MCOLN2: variants seen among roughly 807,000 people sequenced by gnomAD.
MCOLN2 encodes mucolipin TRP cation channel 2.
A neutral mutation model predicts 67.5 loss-of-function variants in MCOLN2; 57 were observed. The ratio of observed to expected loss-of-function variants is 0.84; its 90% confidence interval spans 0.68 to 1.05. The LOEUF is 1.05. Ranked by LOEUF, MCOLN2 falls within the 50% of genes least tolerant of loss-of-function variation. MCOLN2 has a pLI of 0.00. For synonymous variants in MCOLN2, 246 were observed against 233.3 expected, an observed-to-expected ratio of 1.05 and a Z score of -0.50; for missense variants, 620 against 678.8, an observed-to-expected ratio of 0.91 and a Z score of 0.96.
chr1:84,977,579 A>G (rs1176532102), intron 1 of MCOLN2, among the ~76,000 whole-genome samples: 1 of 152,218 alleles, frequency 6.6e-6, no homozygotes, highest in African/African-American at 2.4e-5. Context: ...AAAAAAGAGC[A>G]GGAGTAGCTA....
intron 7 of MCOLN2, among the ~76,000 whole-genome samples, chr1:84,946,320 G>A (rs112543264): frequency 0.013 from 1,914 of 151,988 alleles, 35 homozygotes; most frequent in African/African-American, 0.044. Flanking sequence ...TTATAAGCAC[G>A]TCAGTCTCTC....
intron 7 of MCOLN2, among the ~76,000 whole-genome samples, chr1:84,942,244 T>C (rs1301272558): frequency 6.6e-6 from 1 of 152,202 alleles, no homozygotes; most frequent in African/African-American, 2.4e-5. Context: ...CTCCTTTACT[T>C]TCCTCTGCAC....
At chr1:84,954,766 G>A (rs1399702686) in intron 4 of MCOLN2, among the ~76,000 whole-genome samples, 1 of 152,228 alleles carries the variant, frequency 6.6e-6, no homozygotes, top group Non-Finnish European at 1.5e-5. Context: ...TTTGCTGAAA[G>A]CCAGGCACTG....
intron 1 of MCOLN2, among the ~76,000 whole-genome samples, chr1:84,978,210 C>A (rs966568611): frequency 4.0e-5 from 6 of 151,732 alleles, no homozygotes; most frequent in African/African-American, 1.5e-4. Flanking sequence ...ACACAACCTA[C>A]CAAAATCTAA....
At position 84,956,553 on chromosome 1, in the gene MCOLN2, G is replaced by A. The variant is rs373296025; in HGVS notation, c.443C>T (p.Thr148Ile). The A allele has an allele frequency of 7.5e-6, 12 of 1,607,204 alleles. No individual in the cohort carries two copies. Among genetic ancestry groups the A allele is most frequent in the Admixed American group, 1.7e-5 (1 of 58,246 alleles). The change falls in exon 4 of 14, where the codon ACC becomes ATC. Residue 148 changes from threonine to isoleucine, a missense_variant. Coordinates refer to ENST00000370608, the MANE Select transcript of MCOLN2 (RefSeq NM_153259.4). ...YHQLKDITLGTLGYGENEDNR... is the reference protein window; with the variant it reads ...YHQLKDITLGILGYGENEDNR... The stretch of plus-strand genomic sequence containing the variant: ...GTCTTCATTTTCTCCATAACCAAGG[G>A]TCCCCAGGGTAATGTCCTTTAGCTG...
At chr1:84,932,455 C>T (rs1467112215) in intron 11 of MCOLN2, among the ~76,000 whole-genome samples, 10 of 152,082 alleles carry the variant, frequency 6.6e-5, no homozygotes, top group Admixed American at 2.0e-4. Flanking sequence ...TCAGGTGATC[C>T]GCCCACCTCA....
At position 84,926,661 on chromosome 1, in the gene MCOLN2, A is replaced by G; in HGVS notation, c.*24T>C. ...TCAGCCGCTGGATAAGGATGCCTGA[A>G]CTTTAATCATCTTTAGCAGAACTTT... On this transcript the variant is annotated 3_prime_UTR_variant, in exon 14 of 14. Transcript: ENST00000370608. 6.4e-7 allele frequency: 1 copy of G among 1,565,832 alleles called. No homozygotes were observed. The highest frequency in any genetic ancestry group is 8.7e-7 in the Non-Finnish European group (1 of 1,148,482).
chr1:84,929,850 G>C (rs1661322122), intron 12 of MCOLN2, 171 bp from the exon 13 acceptor site: 1 of 500,196 alleles, frequency 2.0e-6, no homozygotes, highest in South Asian at 3.4e-5. Flanking sequence ...AGAACACCAA[G>C]GCAGGGCCAC....
chr1:84,961,529 T>C (rs186400129), intron 2 of MCOLN2, among the ~76,000 whole-genome samples: 7 of 152,136 alleles, frequency 4.6e-5, no homozygotes, highest in East Asian at 3.9e-4. Flanking sequence ...ATTCTATTCA[T>C]AGAACAAGCC....
chr1:84,954,489 T>C (rs1036365637), intron 4 of MCOLN2, among the ~76,000 whole-genome samples: 5 of 152,198 alleles, frequency 3.3e-5, no homozygotes, highest in African/African-American at 1.2e-4. Context: ...TAATGCATCA[T>C]CTCATTTAAT....
At chr1:84,953,602 A>G (rs1035985187) in intron 4 of MCOLN2, among the ~76,000 whole-genome samples, 15 of 152,108 alleles carry the variant, frequency 9.9e-5, no homozygotes, top group Non-Finnish European at 1.9e-4. Context: ...TGAAGGCTAT[A>G]CAGGAAATAT....
At position 84,937,763 on chromosome 1, in the gene MCOLN2, G is replaced by C. The variant is rs749206582; in HGVS notation, c.1327C>G (p.His443Asp). Residue 443 changes from histidine (H) to aspartate (D), a missense_variant, in exon 11 of 14, where the codon CAT becomes GAT. Physicochemically the swap from His to Asp is moderately conservative, Grantham distance 81 (BLOSUM62 -1). Coordinates refer to ENST00000370608, the MANE Select transcript of MCOLN2 (RefSeq NM_153259.4). ...FCGWIVLGPY[H>D]DKFENLNTVA... Reference sequence around the variant, plus strand: ...GAATGTGAGCTACACACCTTGTCATGGTATGGTCCTAAGACAATCCAGCCA... The same window carrying C: ...GAATGTGAGCTACACACCTTGTCATCGTATGGTCCTAAGACAATCCAGCCA... 1.2e-6 allele frequency: 2 copies of C among 1,614,002 alleles called. No homozygotes were observed. Among genetic ancestry groups the C allele is most frequent in the African/African-American group, 2.7e-5 (2 of 74,912 alleles).
At chr1:84,936,744 G>A (rs1227160173) in intron 11 of MCOLN2, among the ~76,000 whole-genome samples, 4 of 152,308 alleles carry the variant, frequency 2.6e-5, no homozygotes, top group Middle Eastern at 3.4e-3. Flanking sequence ...AGGACAGCAC[G>A]GAGGTTTAAG....
At chr1:84,943,991 G>A (rs781580103) in intron 7 of MCOLN2, among the ~76,000 whole-genome samples, 1 of 152,196 alleles carries the variant, frequency 6.6e-6, no homozygotes, top group African/African-American at 2.4e-5. Flanking sequence ...AGAGGAAACA[G>A]AGGCAGCTCT....
At chr1:84,954,442 A>C (rs1648674353) in intron 4 of MCOLN2, among the ~76,000 whole-genome samples, 1 of 152,218 alleles carries the variant, frequency 6.6e-6, no homozygotes, top group Non-Finnish European at 1.5e-5. Flanking sequence ...TTAACTCCAT[A>C]CCAGACACTG....
chr1:84,986,049 A>G (rs1366159941), intron 1 of MCOLN2, among the ~76,000 whole-genome samples: 8 of 152,210 alleles, frequency 5.3e-5, no homozygotes, highest in Admixed American at 5.2e-4. Flanking sequence ...ACTATACTCT[A>G]AGGCCACAGT....
chr1:84,941,390 G>A (rs1210424558), intron 7 of MCOLN2, among the ~76,000 whole-genome samples: 1 of 152,174 alleles, frequency 6.6e-6, no homozygotes, highest in Admixed American at 6.5e-5. Flanking sequence ...CCAGCTACTT[G>A]GGAGGCTGAG....
chr1:84,954,739 C>T (rs920434833), intron 4 of MCOLN2, among the ~76,000 whole-genome samples: 4 of 152,174 alleles, frequency 2.6e-5, no homozygotes, highest in Admixed American at 6.5e-5. Context: ...CCAACTCATT[C>T]GTTTATTCAG....
chr1:84,962,632 G>A (rs1023353450), intron 2 of MCOLN2, among the ~76,000 whole-genome samples: 3 of 152,186 alleles, frequency 2.0e-5, no homozygotes, highest in South Asian at 2.1e-4. Context: ...AGGCCCAGTG[G>A]GGGAGATGGG....
Sources: gnomAD v4.1 joint callset for allele counts (sites outside exome capture counted in the v4.1 genomes callset) on GRCh38, gnomAD v4.1.1 for gene constraint, MANE v1.5 for transcripts, NCBI Gene and HGNC (gene_info 2026-07-23, HGNC 2026-07-21) for gene names.